The following ZFP64 variants were observed in gnomAD, a reference collection of about 807,000 sequenced individuals.
The protein encoded by ZFP64 is zinc finger protein 64.
A neutral mutation model predicts 51.6 loss-of-function variants in ZFP64; 14 were observed. The ratio of observed to expected loss-of-function variants is 0.27; its 90% CI spans 0.18 to 0.42. The LOEUF is 0.42. Ranked by LOEUF, ZFP64 falls within the 10% of genes least tolerant of loss-of-function variation. The pLI, the probability that ZFP64 is intolerant of heterozygous loss-of-function variation, is 1.00. For missense variants in ZFP64, 754 were observed against 906.8 expected, an observed-to-expected ratio of 0.83 and a Z score of 2.16; for synonymous variants, 375 against 361.4, an observed-to-expected ratio of 1.04 and a Z score of -0.43.
chr20:52,169,374 A>G (rs2123049696), intron 2 of ZFP64, among the ~76,000 whole-genome samples: 1 of 152,290 alleles, frequency 6.6e-6, no homozygotes. Context: ...GTGCTGGGCT[A>G]TGGTCATACT....
intron 5 of ZFP64, among the ~76,000 whole-genome samples, chr20:52,123,952 C>A (rs909577356): frequency 4.6e-5 from 7 of 152,048 alleles, no homozygotes; most frequent in African/African-American, 7.2e-5. Context: ...TCACTGCAAG[C>A]TCCACCTCCT....
rs1229737846 is a variant in ZFP64, at chr20:52,153,815, T to C, written c.764-387A>G. Among the ~76,000 whole-genome samples the C allele has an allele frequency of 6.6e-6, 1 of 152,222 alleles. No individual in the cohort carries two copies. Among genetic ancestry groups the C allele is most frequent in the African/African-American group, 2.4e-5 (1 of 41,456 alleles). On this transcript the variant is annotated intron_variant, in intron 5 of 5. Transcript: ENST00000216923. The surrounding 1 kb of genome is among the most constrained non-coding windows in gnomAD (Gnocchi z 5.1). ...CTTTTGCACAACCCGTTGATTTTGA[T>C]TGAGTTACATGTTGTAACAGATTCA...
At chr20:52,094,806 C>T (rs906853552) in intron 7 of ZFP64, among the ~76,000 whole-genome samples, 1 of 152,126 alleles carries the variant, frequency 6.6e-6, no homozygotes, top group African/African-American at 2.4e-5. Flanking sequence ...AACCACTATT[C>T]CCAGTTAAAC....
At chr20:52,124,183 T>C (rs1979333881) in intron 5 of ZFP64, among the ~76,000 whole-genome samples, 1 of 136,734 alleles carries the variant, frequency 7.3e-6, no homozygotes, top group African/African-American at 2.6e-5. Context: ...AAAGATACAT[T>C]GTTAAATGTA....
At chr20:52,179,000 G>A (rs1257809239) in intron 2 of ZFP64, among the ~76,000 whole-genome samples, 4 of 152,110 alleles carry the variant, frequency 2.6e-5, no homozygotes, top group Non-Finnish European at 4.4e-5. Context: ...GATATGGTTT[G>A]GCTGTGTCCC....
At position 52,085,403 on chromosome 20, in the gene ZFP64, CTTG is replaced by C. The variant is rs1036360822; in HGVS notation, c.1229-140_1229-138del. ...TAAACCCAACCTCCTAATGACAACA[CTTG>C]TTGTGCATATTAATGCAATCCTCAC... On this transcript the variant is annotated intron_variant, in intron 8 of 8. Coordinates refer to the ZFP64 transcript ENST00000361387. The surrounding 1 kb of genome is among the most constrained non-coding windows in gnomAD (Gnocchi z 4.3). 4.3e-5 allele frequency: 39 copies of C among 913,510 alleles called. No homozygotes were observed. Among genetic ancestry groups the C allele is most frequent in the African/African-American group, 3.4e-5 (2 of 59,624 alleles). The allele number at this position is 913,510 out of a possible 1,614,324, so 56.6% of individuals were successfully genotyped here. A position where few individuals can be genotyped will look rare whatever the true frequency, so the allele number is the denominator to read the frequency against.
chr20:52,191,441 G>T lies in ZFP64; in HGVS notation c.46+150C>A, dbSNP rs937938056. 8 of 1,046,146 alleles carry T rather than the reference G, an allele frequency of 7.6e-6. No individual in the cohort carries two copies. Among genetic ancestry groups the T allele is most frequent in the South Asian group, 2.4e-5 (1 of 42,040 alleles). 64.8% of individuals were successfully genotyped at this position (1,046,146 alleles called of 1,614,324 possible). ...CACTCCGGCGCCCCCTGCACAGCGC[G>T]CCCGCCGCGGTCCCCGAGACGCGGC... On this transcript the variant is annotated intron_variant, in intron 1 of 5. Transcript: ENST00000216923. The surrounding 1 kb of genome is among the most constrained non-coding windows in gnomAD (Gnocchi z 4.3).
chr20:52,159,318 G>A (rs1203823188), intron 5 of ZFP64, among the ~76,000 whole-genome samples: 1 of 152,210 alleles, frequency 6.6e-6, no homozygotes, highest in South Asian at 2.1e-4. Context: ...TGGTCAAGCT[G>A]TTCCATGCTG....
At chr20:52,129,242 C>T (rs901209068) in intron 5 of ZFP64, among the ~76,000 whole-genome samples, 16 of 151,888 alleles carry the variant, frequency 1.1e-4, no homozygotes, top group Middle Eastern at 3.4e-3. Flanking sequence ...CCACCACGCC[C>T]GGTGAATTTT....
chr20:52,100,825 T>C (rs372215014), intron 5 of ZFP64, among the ~76,000 whole-genome samples: 6 of 152,286 alleles, frequency 3.9e-5, no homozygotes, highest in Admixed American at 1.3e-4. Flanking sequence ...TGCCTCAGAG[T>C]TGCAGAGTTA....
At chr20:52,097,707 G>A (rs569614893) in intron 6 of ZFP64, among the ~76,000 whole-genome samples, 3 of 152,170 alleles carry the variant, frequency 2.0e-5, no homozygotes, top group East Asian at 1.9e-4. Flanking sequence ...TGATCTGCCC[G>A]CCCCGGCTTC....
chr20:52,175,266 G>A (rs1419737334), intron 2 of ZFP64, among the ~76,000 whole-genome samples: 1 of 152,138 alleles, frequency 6.6e-6, no homozygotes, highest in Non-Finnish European at 1.5e-5. Context: ...GGGATAACAG[G>A]TATGCGCCAC....
At chr20:52,162,510 C>G (rs1230767206) in intron 4 of ZFP64, among the ~76,000 whole-genome samples, 1 of 151,670 alleles carries the variant, frequency 6.6e-6, no homozygotes, top group Non-Finnish European at 1.5e-5. Flanking sequence ...GCCTGTAGTC[C>G]CAGCTACTCG....
chr20:52,126,134 G>C (rs1979435035), intron 5 of ZFP64, among the ~76,000 whole-genome samples: 1 of 152,144 alleles, frequency 6.6e-6, no homozygotes, highest in South Asian at 2.1e-4. Context: ...TTGACCTCAG[G>C]TGATGCGCCT....
chr20:52,134,701 T>TAAC (rs1979887184), intron 5 of ZFP64, among the ~76,000 whole-genome samples: 1 of 152,018 alleles, frequency 6.6e-6, no homozygotes, highest in Admixed American at 6.6e-5. Context: ...ACAACAACAA[T>TAAC]AACAACAGTA....
rs554580346 is a variant in ZFP64 at position 52,091,694 on chromosome 20, A to G, written c.977-3051T>C. 4.6e-4 allele frequency among the ~76,000 whole-genome samples: 70 copies of G among 151,630 alleles called. 1 individual carries two copies. The highest frequency in any genetic ancestry group is 8.7e-4 in the Non-Finnish European group (59 of 67,868). On this transcript the variant is annotated intron_variant, in intron 7 of 8. Coordinates refer to the ZFP64 transcript ENST00000361387. ...AAACAGATAAGTTTCCTATTTCAAAACCTATGGCCGTGGCTGGGCGCGGTG... is the reference window on the plus strand; with the variant it reads ...AAACAGATAAGTTTCCTATTTCAAAGCCTATGGCCGTGGCTGGGCGCGGTG...
rs530121863 is a variant in ZFP64, at chr20:52,191,221, G to A, written c.46+370C>T. 6.6e-6 allele frequency among the ~76,000 whole-genome samples: 1 copy of A among 152,290 alleles called. No homozygotes were observed. The highest frequency in any genetic ancestry group is 2.4e-5 in the African/African-American group (1 of 41,574). Reference sequence around the variant, plus strand: ...CTGAGGCAGAAGTTTTCCCATCAGTGTTGCCCCGTTTACCCTAGATTCCTC... The same window carrying A: ...CTGAGGCAGAAGTTTTCCCATCAGTATTGCCCCGTTTACCCTAGATTCCTC... On this transcript the variant is annotated intron_variant, in intron 1 of 5. Coordinates refer to ENST00000216923, the MANE Select transcript of ZFP64 (RefSeq NM_018197.3). The surrounding 1 kb of genome is among the most constrained non-coding windows in gnomAD (Gnocchi z 4.3).
chr20:52,106,565 C>G (rs562995462), intron 5 of ZFP64, among the ~76,000 whole-genome samples: 1 of 152,208 alleles, frequency 6.6e-6, no homozygotes, highest in East Asian at 1.9e-4. Flanking sequence ...AACCCCACGG[C>G]GGGGCCTGCG....
intron 2 of ZFP64, among the ~76,000 whole-genome samples, chr20:52,177,119 C>A (rs1983285703): frequency 6.6e-6 from 1 of 151,948 alleles, no homozygotes; most frequent in Non-Finnish European, 1.5e-5. Context: ...ACTCTAGTGC[C>A]AGTGGGTTTC....
Sources: allele counts gnomAD v4.1 joint callset (sites outside exome capture counted in the v4.1 genomes callset), GRCh38; gene constraint gnomAD v4.1.1; non-coding constraint Gnocchi (gnomAD v3.1); transcripts MANE v1.5; gene names NCBI Gene and HGNC (gene_info 2026-07-23, HGNC 2026-07-21).